PCDH7: variants seen among roughly 807,000 people sequenced by gnomAD.
The protein encoded by PCDH7 is protocadherin 7, also known as protocadherin-7.
In PCDH7, 17 loss-of-function variants were observed where a neutral mutation model predicts 58.9. The observed-to-expected ratio is 0.29, with a 90% confidence interval of 0.20 to 0.43. The LOEUF (loss-of-function observed/expected upper bound fraction) is 0.43, where lower values mean the gene tolerates loss of function less well. Ranked by LOEUF, PCDH7 falls within the 20% of genes least tolerant of loss-of-function variation. The pLI, the probability that PCDH7 is intolerant of heterozygous loss-of-function variation, is 1.00. For synonymous variants in PCDH7, 664 were observed against 616.4 expected, an observed-to-expected ratio of 1.08 and a Z score of -1.14; for missense variants, 1,274 against 1,441.0, an observed-to-expected ratio of 0.88 and a Z score of 1.88.
chr4:30,997,185 A>G (rs930551612), intron 3 of PCDH7, among the ~76,000 whole-genome samples: 5 of 152,110 alleles, frequency 3.3e-5, no homozygotes, highest in African/African-American at 4.8e-5. Flanking sequence ...GAGCGATATA[A>G]TAAAGTGGTT....
At chr4:31,134,398 T>C (rs1226302390) in intron 3 of PCDH7, among the ~76,000 whole-genome samples, 1 of 152,092 alleles carries the variant, frequency 6.6e-6, no homozygotes, top group Non-Finnish European at 1.5e-5. Context: ...AGGTGGAGGT[T>C]GCAGTGAGCC....
At chr4:31,049,654 C>T (rs994208862) in intron 3 of PCDH7, among the ~76,000 whole-genome samples, 2 of 152,098 alleles carry the variant, frequency 1.3e-5, no homozygotes, top group African/African-American at 4.8e-5. Context: ...TCTGGCATGG[C>T]TGGTTACAGG....
intron 1 of PCDH7, among the ~76,000 whole-genome samples, chr4:30,808,851 A>G (rs965347425): frequency 3.9e-5 from 6 of 152,130 alleles, no homozygotes; most frequent in Non-Finnish European, 8.8e-5. Flanking sequence ...GATACCAAAA[A>G]TTATCATGGT....
chr4:30,743,802 T>C (rs1717403806), intron 1 of PCDH7, among the ~76,000 whole-genome samples: 1 of 152,074 alleles, frequency 6.6e-6, no homozygotes, highest in Non-Finnish European at 1.5e-5. Flanking sequence ...ATAATTTATC[T>C]TTGCAAACTA....
At chr4:30,791,423 T>C (rs555843582) in intron 1 of PCDH7, among the ~76,000 whole-genome samples, 3 of 152,324 alleles carry the variant, frequency 2.0e-5, no homozygotes, top group African/African-American at 7.2e-5. Flanking sequence ...ACCCAGCCTA[T>C]GTGTGGCCGG....
At chr4:31,078,331 A>G (rs1979818) in intron 3 of PCDH7, among the ~76,000 whole-genome samples, 97,159 of 151,926 alleles carry the variant, frequency 0.64, 32,308 homozygotes, top group African/African-American at 0.82. Context: ...CAGCCAGGCT[A>G]GAGTGCAGTG....
chr4:30,855,529 A>G (rs1420615853), intron 1 of PCDH7, among the ~76,000 whole-genome samples: 3 of 152,166 alleles, frequency 2.0e-5, no homozygotes, highest in Non-Finnish European at 4.4e-5. Context: ...TCACCAGTCA[A>G]ATGAGCCTCT....
At chr4:30,732,117 G>T (rs1265582221) in exon 2 of PCDH7, 2 of 152,100 alleles carry the variant, frequency 1.3e-5, no homozygotes, top group African/African-American at 4.8e-5. Flanking sequence ...TATACCTGAG[G>T]ATTTTCATTT....
chr4:31,089,926 A>G (rs921670363), intron 3 of PCDH7, among the ~76,000 whole-genome samples: 1 of 152,156 alleles, frequency 6.6e-6, no homozygotes, highest in African/African-American at 2.4e-5. Context: ...TACAGGCCCC[A>G]GATAACTTAG....
At chr4:30,989,664 A>C (rs1751287287) in intron 3 of PCDH7, among the ~76,000 whole-genome samples, 1 of 152,166 alleles carries the variant, frequency 6.6e-6, no homozygotes, top group Non-Finnish European at 1.5e-5. Context: ...TTTGGAGGTC[A>C]CTGGTCTAAC....
At chr4:31,087,366 A>C (rs922313385) in intron 3 of PCDH7, among the ~76,000 whole-genome samples, 5 of 152,122 alleles carry the variant, frequency 3.3e-5, no homozygotes, top group African/African-American at 1.2e-4. Flanking sequence ...TTTATATGAA[A>C]AGGTTGATGA....
intron 3 of PCDH7, among the ~76,000 whole-genome samples, chr4:31,019,242 AT>A (rs1753837976): frequency 1.3e-5 from 2 of 152,152 alleles, no homozygotes; most frequent in African/African-American, 2.4e-5. Context: ...ATAAAATTAA[AT>A]ATATAGTCTT....
At chr4:30,785,376 T>G (rs1723262846) in intron 1 of PCDH7, among the ~76,000 whole-genome samples, 1 of 152,038 alleles carries the variant, frequency 6.6e-6, no homozygotes, top group Non-Finnish European at 1.5e-5. Context: ...AACTTACAAT[T>G]TAAATCATAA....
At chr4:30,901,613 C>A (rs1008185756) in intron 1 of PCDH7, among the ~76,000 whole-genome samples, 26 of 152,222 alleles carry the variant, frequency 1.7e-4, no homozygotes, top group Non-Finnish European at 3.8e-4. Flanking sequence ...ATGACTACAA[C>A]CCACATGATG....
intron 1 of PCDH7, among the ~76,000 whole-genome samples, chr4:30,834,780 T>C (rs1021950950): frequency 6.6e-6 from 1 of 152,116 alleles, no homozygotes; most frequent in African/African-American, 2.4e-5. Flanking sequence ...AGGTATGTTA[T>C]TTATTATGTA....
chr4:30,780,399 C>G (rs909976744), intron 1 of PCDH7, among the ~76,000 whole-genome samples: 1 of 151,544 alleles, frequency 6.6e-6, no homozygotes, highest in African/African-American at 2.4e-5. Flanking sequence ...CCCAACTACT[C>G]AGGAGACTGA....
In PCDH7 at chr4:30,743,887, A is replaced by G. The variant is rs566614675; in HGVS notation, c.70+19291A>G. Among the ~76,000 whole-genome samples, 3 of 152,282 alleles carry G rather than the reference A, an allele frequency of 2.0e-5. No individual in the cohort carries two copies. In the South Asian group the frequency reaches 6.2e-4, roughly 32 times the overall value. Reference sequence around the variant, plus strand: ...TTTGAAAGCTGCTTTCAGAATAAGTATTATTAACTATCTCACTAGATTTCA... The same window carrying G: ...TTTGAAAGCTGCTTTCAGAATAAGTGTTATTAACTATCTCACTAGATTTCA... On this transcript the variant is annotated intron_variant, in intron 1 of 3. Transcript: ENST00000509759.
At chr4:30,992,092 A>G (rs567701030) in intron 3 of PCDH7, among the ~76,000 whole-genome samples, 2 of 152,318 alleles carry the variant, frequency 1.3e-5, no homozygotes, top group South Asian at 2.1e-4. Flanking sequence ...TTATCAAAAA[A>G]CAGGGATCAT....
intron 1 of PCDH7, among the ~76,000 whole-genome samples, chr4:30,874,887 A>C (rs11722728): frequency 0.089 from 13,545 of 151,874 alleles, 765 homozygotes; most frequent in Non-Finnish European, 0.12. Flanking sequence ...TTTTATTATT[A>C]TTATTTATTA....
Sources: allele counts gnomAD v4.1 joint callset (sites outside exome capture counted in the v4.1 genomes callset), GRCh38; gene constraint gnomAD v4.1.1; transcripts MANE v1.5; gene names NCBI Gene and HGNC (gene_info 2026-07-23, HGNC 2026-07-21).